IGSF10: variants seen among roughly 807,000 people sequenced by gnomAD.
IGSF10 encodes the protein calvaria mechanical force protein 608.
A neutral mutation model predicts 128.2 loss-of-function variants in IGSF10; 126 were observed. The observed-to-expected ratio is 0.98, with a 90% CI of 0.85 to 1.14. IGSF10 has a LOEUF of 1.14. IGSF10 is among the 50% of genes most tolerant of loss of function. The pLI, the probability that IGSF10 is intolerant of heterozygous loss-of-function variation, is 0.00. For synonymous variants in IGSF10, 1,185 were observed against 1,146.2 expected (o/e 1.03, Z -0.68); for missense variants, 3,295 against 3,149.8 (o/e 1.05, Z -1.10).
In IGSF10 at chr3:151,443,311, G is replaced by C. The variant is rs1269542164; in HGVS notation, c.5636C>G (p.Ser1879Cys). Residue 1879 changes from serine to cysteine, a missense_variant, in exon 7 of 8, where the codon TCT becomes TGT. By Grantham distance (112) the Ser-to-Cys change is moderately radical. Coordinates refer to ENST00000282466, the MANE Select transcript of IGSF10 (RefSeq NM_178822.5). ...TAATGGTTTCACTTCAGTGCCATCA[G>C]AGAGGACCCAGTAAACGCTGGGCTG... ...TPQPSVYWVL[S>C]DGTEVKPLQF... is the part of the protein sequence containing the mutation. 10 of 1,614,056 alleles carry C rather than the reference G, an allele frequency of 6.2e-6. No individual in the cohort carries two copies. Among genetic ancestry groups the C allele is most frequent in the Middle Eastern group, 1.6e-4 (1 of 6,084 alleles).
Position 151,457,009 on chromosome 3 carries a change from C to CT in IGSF10, c.324+16dup. ...ACCTTACCTCTTTAACCTGCCCCCTCTCTCCATCAGTCTCACCTGCAAGGC... is the reference window on the plus strand; with the variant it reads ...ACCTTACCTCTTTAACCTGCCCCCTCTTCTCCATCAGTCTCACCTGCAAGGC... On this transcript the variant is annotated intron_variant, in intron 4 of 7. Coordinates refer to ENST00000282466, the MANE Select transcript of IGSF10 (RefSeq NM_178822.5). 1 of 1,614,076 alleles carries CT rather than the reference C, an allele frequency of 6.2e-7. No individual in the cohort carries two copies. The highest frequency in any genetic ancestry group is 8.5e-7 in the Non-Finnish European group (1 of 1,179,972).
chr3:151,574,028 A>C, the IGSF10 span, among the ~76,000 whole-genome samples: 1 of 152,206 alleles, frequency 6.6e-6, no homozygotes, highest in Non-Finnish European at 1.5e-5. Flanking sequence ...TTTCTTTAAG[A>C]ATGTTGAATA....
the IGSF10 span, among the ~76,000 whole-genome samples, chr3:151,557,969 A>G: frequency 1.7e-5 from 1 of 59,098 alleles, no homozygotes; most frequent in Non-Finnish European, 3.6e-5. Flanking sequence ...TGCTTAATCA[A>G]TTTTAACAGA....
rs765799466 is a variant in IGSF10 at position 151,447,593 on chromosome 3, G to T, written c.2388C>A (p.Ser796=). The change falls in exon 6 of 8, where the codon TCC becomes TCA. Residue 796 remains serine, a synonymous_variant. Coordinates refer to ENST00000282466, the MANE Select transcript of IGSF10 (RefSeq NM_178822.5). ...LPNIPGEEDD[S]SGMLALHEEF... ...CCTCATGTAGAGCGAGCATGCCTGA[G>T]GAATCGTCTTCTTCACCAGGTATGT... is the stretch of plus-strand genomic sequence containing the variant. The T allele has an allele frequency of 1.9e-6, 3 of 1,614,146 alleles. No individual in the cohort carries two copies. The Admixed American group carries it at 5.0e-5, about 27-fold the overall frequency.
chr3:151,453,791 A>G lies in IGSF10; in HGVS notation c.325-17T>C, dbSNP rs749676517. The stretch of plus-strand genomic sequence containing the variant: ...TTTTAAGACCTATGAATTAAAAAAA[A>G]GAACATATTTATGTTGTCAAAGGAA... On this transcript the variant is annotated splice_polypyrimidine_tract_variant and intron_variant, in intron 4 of 7. Coordinates refer to ENST00000282466, the MANE Select transcript of IGSF10 (RefSeq NM_178822.5). 275 of 1,422,892 alleles carry G rather than the reference A, an allele frequency of 1.9e-4. No individual in the cohort carries two copies. Among genetic ancestry groups the G allele is most frequent in the Non-Finnish European group, 2.4e-4 (255 of 1,049,978 alleles). 88.1% of individuals were successfully genotyped at this position (1,422,892 alleles called of 1,614,324 possible).
chr3:151,519,963 A>G, the IGSF10 span, among the ~76,000 whole-genome samples: 1 of 151,838 alleles, frequency 6.6e-6, no homozygotes, highest in Non-Finnish European at 1.5e-5. Flanking sequence ...ATAATACCTG[A>G]AGGTTTTGAG....
At chr3:151,589,084 A>G in the IGSF10 span, among the ~76,000 whole-genome samples, 1 of 152,362 alleles carries the variant, frequency 6.6e-6, no homozygotes, top group African/African-American at 2.4e-5. Flanking sequence ...CATATAAATT[A>G]ACACATTTTC....
At chr3:151,564,265 C>T in the IGSF10 span, among the ~76,000 whole-genome samples, 1 of 151,934 alleles carries the variant, frequency 6.6e-6, no homozygotes, top group South Asian at 2.1e-4. Context: ...CTGATATTAT[C>T]GGGTTTCATA....
chr3:151,500,177 G>T, the IGSF10 span, among the ~76,000 whole-genome samples: 1 of 152,044 alleles, frequency 6.6e-6, no homozygotes, highest in Admixed American at 6.6e-5. Flanking sequence ...AAATATGGCT[G>T]CAGTCAAATA....
At chr3:151,599,681 G>T in the IGSF10 span, among the ~76,000 whole-genome samples, 1 of 152,008 alleles carries the variant, frequency 6.6e-6, no homozygotes, top group Non-Finnish European at 1.5e-5. Flanking sequence ...AATTCTTCTT[G>T]TTAGTAGACA....
At chr3:151,480,674 G>A in the IGSF10 span, among the ~76,000 whole-genome samples, 9 of 151,872 alleles carry the variant, frequency 5.9e-5, no homozygotes, top group African/African-American at 1.9e-4. Context: ...CCACCCCCAA[G>A]CAGAGCTGCT....
chr3:151,455,233 C>G (rs1004734814), intron 4 of IGSF10, among the ~76,000 whole-genome samples: 4 of 151,774 alleles, frequency 2.6e-5, no homozygotes, highest in African/African-American at 7.3e-5. Flanking sequence ...CCTCAGCCTC[C>G]TGAGTAACTG....
Position 151,453,490 on chromosome 3 carries a change from C to A in IGSF10, c.609G>T (p.Glu203Asp), listed in dbSNP as rs775574374. Residue 203 changes from glutamate (E) to aspartate (D), a missense_variant, in exon 5 of 8, where the codon GAG becomes GAT. By Grantham distance (45) the Glu-to-Asp change is conservative. Transcript: ENST00000282466. Reference protein sequence around the residue: ...SDNFLTSLPQEMVSYMPDLDS... With the variant: ...SDNFLTSLPQDMVSYMPDLDS... The stretch of plus-strand genomic sequence containing the variant: ...CTAGGTCAGGCATATAGGAGACCAT[C>A]TCTTGAGGGAGGGAGGTCAGGAAGT... 1.2e-6 allele frequency: 2 copies of A among 1,614,060 alleles called. No homozygotes were observed. The highest frequency in any genetic ancestry group is 2.2e-5 in the South Asian group (2 of 91,080).
the IGSF10 span, among the ~76,000 whole-genome samples, chr3:151,489,656 T>C: frequency 2.0e-5 from 3 of 151,772 alleles, no homozygotes; most frequent in African/African-American, 7.3e-5. Flanking sequence ...AAAGGGTGAG[T>C]TCATGTCCTT....
the IGSF10 span, among the ~76,000 whole-genome samples, chr3:151,505,170 T>C: frequency 6.6e-6 from 1 of 152,216 alleles, no homozygotes; most frequent in East Asian, 1.9e-4. Context: ...CTGGGTAATT[T>C]ATAAAGAAAA....
At chr3:151,449,310 G>T (rs760116524) in intron 5 of IGSF10, 45 bp from the exon 6 acceptor site, 1 of 1,461,490 alleles carries the variant, frequency 6.8e-7, no homozygotes, top group Non-Finnish European at 9.1e-7. Context: ...ACCTCTTTAT[G>T]AATTGACACA....
chr3:151,604,806 T>TA, the IGSF10 span, among the ~76,000 whole-genome samples: 4 of 152,148 alleles, frequency 2.6e-5, no homozygotes, highest in Admixed American at 6.6e-5. Context: ...TGTGAGCATT[T>TA]AATTAGTGAA....
chr3:151,472,489 C>T, the IGSF10 span, among the ~76,000 whole-genome samples: 1 of 152,142 alleles, frequency 6.6e-6, no homozygotes, highest in Non-Finnish European at 1.5e-5. Flanking sequence ...GTCCCTACCA[C>T]CCTCACTCTT....
the IGSF10 span, among the ~76,000 whole-genome samples, chr3:151,518,266 C>A: frequency 8.0e-4 from 122 of 152,098 alleles, no homozygotes; most frequent in Non-Finnish European, 1.6e-3. Flanking sequence ...AAGCTATAAC[C>A]AATCTGGTTA....
Sources: gnomAD v4.1 joint callset for allele counts (sites outside exome capture counted in the v4.1 genomes callset) on GRCh38, gnomAD v4.1.1 for gene constraint, MANE v1.5 for transcripts, NCBI Gene and HGNC (gene_info 2026-07-23, HGNC 2026-07-21) for gene names.